The following DHX8 variants were observed in gnomAD, a reference collection of about 807,000 sequenced individuals.
DHX8 encodes DEAH-box helicase 8, also known as ATP-dependent RNA helicase DHX8.
DHX8 carries 67 observed loss-of-function variants against 140.7 expected under a neutral mutation model. The ratio of observed to expected loss-of-function variants is 0.48; its 90% CI spans 0.39 to 0.58. The LOEUF is 0.58. DHX8 is among the 20% of genes least tolerant of loss of function. The pLI is 0.00. For synonymous variants in DHX8, 533 were observed against 553.2 expected (o/e 0.96, Z 0.51); for missense variants, 887 against 1,550.7 (o/e 0.57, Z 7.19).
At chr17:43,500,380 G>A (rs1364688772) in intron 11 of DHX8, among the ~76,000 whole-genome samples, 2 of 152,000 alleles carry the variant, frequency 1.3e-5, no homozygotes, top group African/African-American at 4.8e-5. Flanking sequence ...CCAGCTACTC[G>A]GGAGGCTGAG....
At chr17:43,518,590 AT>A (rs1487182241) in intron 18 of DHX8, 1 of 148,988 alleles carries the variant, frequency 6.7e-6, no homozygotes, top group African/African-American at 2.5e-5. Flanking sequence ...TATTATTATT[AT>A]TGTAAAATAC....
intron 16 of DHX8, among the ~76,000 whole-genome samples, chr17:43,512,943 T>G (rs895060697): frequency 6.6e-6 from 1 of 152,176 alleles, no homozygotes; most frequent in Non-Finnish European, 1.5e-5. Context: ...GCTCATTTTT[T>G]AGTCCAGATG....
At chr17:43,516,800 G>A (rs9895324) in intron 17 of DHX8, among the ~76,000 whole-genome samples, 34,404 of 152,120 alleles carry the variant, frequency 0.23, 4,135 homozygotes, top group East Asian at 0.32. Context: ...GATGATTGAC[G>A]TAATATGTTT....
intron 15 of DHX8, 128 bp from the exon 16 acceptor site, chr17:43,508,211 T>A: frequency 7.6e-7 from 1 of 1,323,648 alleles, no homozygotes; most frequent in South Asian, 1.5e-5. Context: ...ACTTGTATTG[T>A]TTACTTACTG....
chr17:43,511,137 C>T (rs1969801472), intron 16 of DHX8, among the ~76,000 whole-genome samples: 1 of 152,074 alleles, frequency 6.6e-6, no homozygotes, highest in African/African-American at 2.4e-5. Context: ...CAAGACCAGC[C>T]TGGCTGATAT....
At chr17:43,532,634 A>G in intron 2 of DHX8, 1 of 1,570,638 alleles carries the variant, frequency 6.4e-7, no homozygotes, top group Non-Finnish European at 8.7e-7. Flanking sequence ...TTAACTGAAC[A>G]CTTGATCACA....
At chr17:43,489,197 G>C (rs552620231) in intron 1 of DHX8, among the ~76,000 whole-genome samples, 88 of 152,126 alleles carry the variant, frequency 5.8e-4, no homozygotes, top group African/African-American at 2.0e-3. Context: ...TAGAGACGGG[G>C]TTTCACTGTG....
intron 2 of DHX8, among the ~76,000 whole-genome samples, chr17:43,535,132 G>C (rs910409834): frequency 3.0e-4 from 45 of 152,176 alleles, no homozygotes; most frequent in African/African-American, 8.7e-4. Flanking sequence ...TTCCAAGCCG[G>C]TGTGAGATTC....
At chr17:43,495,825 C>T (rs1241415986) in intron 8 of DHX8, among the ~76,000 whole-genome samples, 2 of 152,112 alleles carry the variant, frequency 1.3e-5, no homozygotes, top group Admixed American at 1.3e-4. Flanking sequence ...TTTGGCTGGG[C>T]ATGTCGCTGA....
intron 3 of DHX8, among the ~76,000 whole-genome samples, chr17:43,541,252 C>A (rs1483323825): frequency 6.6e-6 from 1 of 152,218 alleles, no homozygotes; most frequent in African/African-American, 2.4e-5. Flanking sequence ...AGGATAGAAA[C>A]AGGAACACTG....
chr17:43,513,563 T>C (rs766264091), intron 17 of DHX8, 61 bp downstream of exon 17: 10 of 1,556,344 alleles, frequency 6.4e-6, no homozygotes, highest in Non-Finnish European at 8.7e-6. Flanking sequence ...TCTGAAACTT[T>C]TTTATGGTTA....
intron 17 of DHX8, among the ~76,000 whole-genome samples, chr17:43,514,868 C>T (rs1442586018): frequency 6.6e-6 from 1 of 152,130 alleles, no homozygotes; most frequent in Non-Finnish European, 1.5e-5. Context: ...ATGACATAAA[C>T]ATGTAACTAT....
At chr17:43,514,354 A>G (rs749655543) in intron 17 of DHX8, among the ~76,000 whole-genome samples, 7 of 152,082 alleles carry the variant, frequency 4.6e-5, no homozygotes, top group Admixed American at 1.3e-4. Flanking sequence ...TAAAATAATA[A>G]TTTGTTTAAA....
rs541973831 is a variant in DHX8, at chr17:43,516,668, C to T, written c.2644-499C>T. Among the ~76,000 whole-genome samples, 8 of 152,198 alleles carry T rather than the reference C, an allele frequency of 5.3e-5. No homozygotes were observed. In the East Asian group the frequency reaches 5.8e-4, roughly 11 times the overall value. On this transcript the variant is annotated intron_variant, in intron 17 of 22. Transcript: ENST00000262415. ...TTCAACATATTGCCCTGGCTGATCT[C>T]GAACTCCTGGGCTCATGCAATCTGC...
At chr17:43,532,090 C>T (rs1970966753) in intron 2 of DHX8, among the ~76,000 whole-genome samples, 1 of 152,224 alleles carries the variant, frequency 6.6e-6, no homozygotes, top group South Asian at 2.1e-4. Context: ...GAACTAATTC[C>T]TGGGCTCAAA....
intron 3 of DHX8, chr17:43,536,604 G>T: frequency 1.4e-6 from 1 of 729,996 alleles, no homozygotes; most frequent in Non-Finnish European, 2.4e-6. Flanking sequence ...GATCAGGGGT[G>T]TCCACATTGT....
downstream of DHX8, chr17:43,530,116 C>A (rs137969667): frequency 1.0e-5 from 16 of 1,584,894 alleles, no homozygotes; most frequent in Middle Eastern, 3.3e-4. Flanking sequence ...CCCATGGCCC[C>A]GTCACCTGGA....
chr17:43,507,198 G>T lies in DHX8; in HGVS notation c.1923+1G>T, dbSNP rs953082842. 1 of 1,607,972 alleles carries T rather than the reference G, an allele frequency of 6.2e-7. No homozygotes were observed. The highest frequency in any genetic ancestry group is 8.5e-7 in the Non-Finnish European group (1 of 1,176,962). On this transcript the variant is annotated splice_donor_variant, in intron 13 of 22. Coordinates refer to ENST00000262415, the MANE Select transcript of DHX8 (RefSeq NM_004941.3). LOFTEE classifies it high-confidence loss of function. ...GTTTGGTTGTTGCTTAGGCCAAGAG[G>T]TAAGTAGATAGTGGAGTCGCTCGAA...
chr17:43,521,066 A>G (rs1347673143), intron 20 of DHX8, among the ~76,000 whole-genome samples, 187 bp downstream of exon 20: 1 of 146,718 alleles, frequency 6.8e-6, no homozygotes, highest in African/African-American at 2.6e-5. Context: ...GGGTTCAAGC[A>G]GTTCTCCTGC....
Sources: gnomAD v4.1 joint callset for allele counts (sites outside exome capture counted in the v4.1 genomes callset) on GRCh38, gnomAD v4.1.1 for gene constraint, MANE v1.5 for transcripts, NCBI Gene and HGNC (gene_info 2026-07-23, HGNC 2026-07-21) for gene names.